MITF: variants seen among roughly 807,000 people sequenced by gnomAD.
The protein encoded by MITF is melanocyte inducing transcription factor.
A neutral mutation model predicts 60.5 loss-of-function variants in MITF; 17 were observed. The ratio of observed to expected loss-of-function variants is 0.28; its 90% CI spans 0.19 to 0.42. The LOEUF (loss-of-function observed/expected upper bound fraction) is 0.42. MITF is among the 10% of genes least tolerant of loss of function. The pLI, the probability that MITF is intolerant of heterozygous loss-of-function variation, is 1.00. For synonymous variants in MITF, 260 were observed against 248.5 expected, an observed-to-expected ratio of 1.05 and a Z score of -0.43; for missense variants, 622 against 683.5, an observed-to-expected ratio of 0.91 and a Z score of 1.00.
At chr3:69,901,991 A>G (rs1413245101) in intron 2 of MITF, among the ~76,000 whole-genome samples, 1 of 152,172 alleles carries the variant, frequency 6.6e-6, no homozygotes, top group Non-Finnish European at 1.5e-5. Context: ...GGTAGTAGTA[A>G]TGTGATTTGC....
At chr3:69,796,059 G>A (rs1445144956) in intron 1 of MITF, among the ~76,000 whole-genome samples, 1 of 152,138 alleles carries the variant, frequency 6.6e-6, no homozygotes, top group Non-Finnish European at 1.5e-5. Flanking sequence ...TTGACTCACT[G>A]CAGCCGCCGT....
At chr3:69,929,563 A>G (rs2065670313) in intron 2 of MITF, among the ~76,000 whole-genome samples, 1 of 152,146 alleles carries the variant, frequency 6.6e-6, no homozygotes, top group South Asian at 2.1e-4. Flanking sequence ...GCATTGATGT[A>G]GGGACTTCTA....
At chr3:69,829,921 G>C (rs1317135164) in intron 1 of MITF, among the ~76,000 whole-genome samples, 2 of 152,200 alleles carry the variant, frequency 1.3e-5, no homozygotes, top group Non-Finnish European at 2.9e-5. Context: ...AGGAGCCTCA[G>C]ACAGTGGAGG....
rs189848582 is a variant in MITF, at chr3:69,870,467, G to A, written c.105-8667G>A. On this transcript the variant is annotated intron_variant, in intron 1 of 9. Transcript: ENST00000352241. ...TTTTTTTTTTTTGAGACGGAATCTC[G>A]CTCTGTCACCAGGCTGGAGTGCAGT... Among the ~76,000 whole-genome samples, 634 of 142,152 alleles carry A rather than the reference G, an allele frequency of 4.5e-3. 3 individuals are homozygous for A. The highest frequency in any genetic ancestry group is 5.9e-3 in the Non-Finnish European group (388 of 66,230). 93.3% of individuals were successfully genotyped at this position (142,152 alleles called of 152,430 possible). A position where few individuals can be genotyped will look rare whatever the true frequency, so the allele number is the denominator to read the frequency against.
intron 1 of MITF, among the ~76,000 whole-genome samples, 168 bp downstream of exon 1, chr3:69,739,869 G>T (rs1302060946): frequency 6.6e-6 from 1 of 152,166 alleles, no homozygotes; most frequent in East Asian, 2.0e-4. Context: ...GCGCCTGCCC[G>T]GCCCAAGTGC....
At position 69,900,320 on chromosome 3, in the gene MITF, C is replaced by T. The variant is rs144500565; in HGVS notation, c.354+20937C>T. Among the ~76,000 whole-genome samples, 238 of 152,272 alleles carry T rather than the reference C, an allele frequency of 1.6e-3. 1 individual carries two copies. Among genetic ancestry groups the T allele is most frequent in the African/African-American group, 5.5e-3 (230 of 41,548 alleles). On this transcript the variant is annotated intron_variant, in intron 2 of 9. Coordinates refer to ENST00000352241, the MANE Select transcript of MITF (RefSeq NM_001354604.2). ...ACCGTCCTCCATGGAATTAAAAAATCGTGATATTTCCCTGTGGTTCTTGCC... is the reference window on the plus strand; with the variant it reads ...ACCGTCCTCCATGGAATTAAAAAATTGTGATATTTCCCTGTGGTTCTTGCC...
chr3:69,881,301 C>A (rs13316652), intron 2 of MITF, among the ~76,000 whole-genome samples: 3,744 of 152,030 alleles, frequency 0.025, 147 homozygotes, highest in African/African-American at 0.083. Context: ...AATATAGTTC[C>A]TGTCTATTTA....
intron 1 of MITF, among the ~76,000 whole-genome samples, chr3:69,868,108 T>C (rs1430181795): frequency 1.3e-5 from 2 of 152,234 alleles, no homozygotes; most frequent in Non-Finnish European, 2.9e-5. Flanking sequence ...TATTAAGATG[T>C]TCAGCAGATA....
At chr3:69,750,268 T>C (rs546603912) in intron 1 of MITF, among the ~76,000 whole-genome samples, 10 of 152,118 alleles carry the variant, frequency 6.6e-5, no homozygotes, top group Non-Finnish European at 1.2e-4. Flanking sequence ...ATCACAGGGA[T>C]TGGTTTCACG....
intron 2 of MITF, among the ~76,000 whole-genome samples, chr3:69,930,566 CTG>C (rs2065696965): frequency 6.6e-6 from 1 of 152,174 alleles, no homozygotes; most frequent in Non-Finnish European, 1.5e-5. Flanking sequence ...CCTAAACACA[CTG>C]TGTAAGATTT....
chr3:69,797,766 C>T (rs2062854676), intron 1 of MITF, among the ~76,000 whole-genome samples: 1 of 152,190 alleles, frequency 6.6e-6, no homozygotes. Flanking sequence ...AAATACCCAA[C>T]ATTTTTCATC....
At chr3:69,896,910 T>C (rs900847702) in intron 2 of MITF, among the ~76,000 whole-genome samples, 4 of 152,160 alleles carry the variant, frequency 2.6e-5, no homozygotes, top group Non-Finnish European at 5.9e-5. Context: ...CGTATCCCTG[T>C]AGTGGTTTGT....
At chr3:69,847,141 G>A (rs932776016) in intron 1 of MITF, among the ~76,000 whole-genome samples, 24 of 152,134 alleles carry the variant, frequency 1.6e-4, no homozygotes, top group African/African-American at 5.8e-4. Context: ...TGGGACAGCG[G>A]GAAGCAGACT....
In MITF at chr3:69,772,359, A is replaced by AT. The variant is rs554465561; in HGVS notation, c.104+32660dup. ...GCATGGAGGCTCAGCTGTGCCAGCC[A>AT]TTCAGGCCTAATGGCAAATGTTGGT... is the stretch of plus-strand genomic sequence containing the variant. On this transcript the variant is annotated intron_variant, in intron 1 of 9. Transcript: ENST00000352241. Among the ~76,000 whole-genome samples, 101 of 152,342 alleles carry AT rather than the reference A, an allele frequency of 6.6e-4. No homozygotes were observed. The South Asian group carries it at 0.021, about 31-fold the overall frequency.
intron 1 of MITF, among the ~76,000 whole-genome samples, chr3:69,809,594 T>C (rs139485732): frequency 6.6e-6 from 1 of 151,984 alleles, no homozygotes; most frequent in Non-Finnish European, 1.5e-5. Context: ...CAGGGTCACA[T>C]GAATGTGTAT....
In MITF at chr3:69,959,179, A is replaced by T. The variant is rs549938214; in HGVS notation, c.1032-94A>T. ...AACTATTGAAATAAAAAAAAATTTT[A>T]AAAAGTTCAAAAAGAAATGGAGTGC... On this transcript the variant is annotated intron_variant, in intron 8 of 9. Transcript: ENST00000352241. The T allele has an allele frequency of 1.9e-3, 2,801 of 1,453,896 alleles. 8 individuals carry two copies. The highest frequency in any genetic ancestry group is 2.1e-3 in the Non-Finnish European group (2,213 of 1,073,512). The allele number at this position is 1,453,896 out of a possible 1,614,324, so 90.1% of individuals were successfully genotyped here.
chr3:69,948,795 C>T (rs1235041344), intron 5 of MITF, among the ~76,000 whole-genome samples: 1 of 152,096 alleles, frequency 6.6e-6, no homozygotes, highest in Non-Finnish European at 1.5e-5. Flanking sequence ...AACTGACTGG[C>T]TAGTTAGAGT....
intron 1 of MITF, among the ~76,000 whole-genome samples, chr3:69,837,376 G>T (rs986287934): frequency 6.6e-6 from 1 of 152,114 alleles, no homozygotes; most frequent in Non-Finnish European, 1.5e-5. Context: ...TTTCTACCTT[G>T]TTTGAAAACA....
At chr3:69,952,142 T>TTCTCTC (rs747463065) in intron 7 of MITF, among the ~76,000 whole-genome samples, 1 of 150,798 alleles carries the variant, frequency 6.6e-6, no homozygotes, top group East Asian at 1.9e-4. Flanking sequence ...AGTAGTGGTT[T>TTCTCTC]TCTCTCTCTC....
Sources: gnomAD v4.1 joint callset for allele counts (sites outside exome capture counted in the v4.1 genomes callset) on GRCh38, gnomAD v4.1.1 for gene constraint, MANE v1.5 for transcripts, NCBI Gene and HGNC (gene_info 2026-07-23, HGNC 2026-07-21) for gene names.